The following ESRRB variants were observed in gnomAD, a reference collection of about 807,000 sequenced individuals.
ESRRB encodes steroid hormone receptor ERR2.
A neutral mutation model predicts 46.0 loss-of-function variants in ESRRB; 16 were observed. That is an observed-to-expected ratio of 0.35 (90% CI 0.24 to 0.53). ESRRB has a LOEUF of 0.53. Among genes scored for constraint, ESRRB ranks in the 20% least tolerant of loss-of-function variants. The probability of loss-of-function intolerance (pLI) is 0.93; values close to 1 mark genes in which losing one functional copy is unlikely to be tolerated. For synonymous variants in ESRRB, 246 were observed against 259.6 expected, an observed-to-expected ratio of 0.95 and a Z score of 0.50; for missense variants, 488 against 607.4, an observed-to-expected ratio of 0.80 and a Z score of 2.07.
chr14:76,495,511 C>A (rs889471278), intron 6 of ESRRB: 4 of 147,428 alleles, frequency 2.7e-5, no homozygotes, highest in Non-Finnish European at 5.9e-5. Flanking sequence ...CTCTTGCTAT[C>A]AAGTAGATGC....
chr14:76,428,774 A>G (rs1410351204), intron 1 of ESRRB, among the ~76,000 whole-genome samples: 1 of 152,186 alleles, frequency 6.6e-6, no homozygotes, highest in African/African-American at 2.4e-5. Context: ...CTGGAAAATC[A>G]TGGATAAAAA....
chr14:76,379,576 A>G (rs987204374), intron 1 of ESRRB, among the ~76,000 whole-genome samples: 2 of 152,222 alleles, frequency 1.3e-5, no homozygotes, highest in East Asian at 1.9e-4. Flanking sequence ...GCTCTAGGAA[A>G]TAAACCTTTA....
chr14:76,414,413 G>A (rs563900965), intron 1 of ESRRB, among the ~76,000 whole-genome samples: 2 of 151,254 alleles, frequency 1.3e-5, no homozygotes, highest in African/African-American at 4.9e-5. Context: ...TCGGTACTTA[G>A]AGCAGTGCCT....
chr14:76,333,446 TAAGTATA>T (rs1884086557), intron 1 of ESRRB, among the ~76,000 whole-genome samples: 10 of 86,392 alleles, frequency 1.2e-4, no homozygotes, highest in Non-Finnish European at 1.9e-4. Context: ...ATATGATATA[TAAGTATA>T]TCATATATAA....
At chr14:76,386,903 A>G (rs1245400125) in intron 1 of ESRRB, among the ~76,000 whole-genome samples, 1 of 152,184 alleles carries the variant, frequency 6.6e-6, no homozygotes, top group Non-Finnish European at 1.5e-5. Flanking sequence ...AGGGAGGAAC[A>G]GGGTAAGTCA....
At position 76,312,946 on chromosome 14, in the gene ESRRB, G is replaced by A. The variant is rs547102206; in HGVS notation, c.2+2030G>A. On this transcript the variant is annotated intron_variant, in intron 1 of 6. Coordinates refer to the ESRRB transcript ENST00000512784. ...CAACCTGCACACTGGAGCCTGCCTG[G>A]CCCACTGTGCAGGCCCAGTGTGTCA... Among the ~76,000 whole-genome samples, 10 of 152,250 alleles carry A rather than the reference G, an allele frequency of 6.6e-5. No homozygotes were observed. In the East Asian group the frequency reaches 1.9e-3, roughly 29 times the overall value.
intron 2 of ESRRB, among the ~76,000 whole-genome samples, chr14:76,446,782 C>T (rs1030887432): frequency 6.6e-6 from 1 of 152,162 alleles, no homozygotes; most frequent in African/African-American, 2.4e-5. Context: ...TATGTGTGCT[C>T]TCTTTGCATG....
chr14:76,358,328 AAAGAAAGAAAGAAAGAAAGAAAG>A (rs1566859614), intron 1 of ESRRB, among the ~76,000 whole-genome samples: 728 of 38,302 alleles, frequency 0.019, 105 homozygotes, highest in Middle Eastern at 0.023. Flanking sequence ...AAAAAAAAAG[AAAGAAAGAAAGAAAGAAAGAAAG>A]AAAGAAAGAA....
chr14:76,422,564 G>T (rs1462175368), intron 1 of ESRRB, among the ~76,000 whole-genome samples: 1 of 152,140 alleles, frequency 6.6e-6, no homozygotes, highest in Non-Finnish European at 1.5e-5. Context: ...AACTATGTGG[G>T]TAGGGACCAC....
At chr14:76,459,771 C>T (rs1413537289) in intron 2 of ESRRB, among the ~76,000 whole-genome samples, 1 of 152,202 alleles carries the variant, frequency 6.6e-6, no homozygotes, top group East Asian at 1.9e-4. Flanking sequence ...TAGGGGTACA[C>T]AGAATCTTCA....
intron 1 of ESRRB, among the ~76,000 whole-genome samples, chr14:76,349,748 G>A (rs1595051684): frequency 6.6e-6 from 1 of 152,246 alleles, no homozygotes; most frequent in East Asian, 1.9e-4. Context: ...TGGGTCCCCA[G>A]CACCTGGAAC....
chr14:76,359,682 G>A (rs564926928), intron 1 of ESRRB, among the ~76,000 whole-genome samples: 1 of 152,292 alleles, frequency 6.6e-6, no homozygotes, highest in East Asian at 1.9e-4. Flanking sequence ...GGCCCACAGG[G>A]AGGAGGCAGA....
At chr14:76,310,997 TC>T (rs1883725664) in intron 1 of ESRRB, 1 of 432,432 alleles carries the variant, frequency 2.3e-6, no homozygotes, top group Non-Finnish European at 4.6e-6. Context: ...TCTCTCTCTC[TC>T]TCTCTCTCTC....
chr14:76,388,464 C>T (rs966459896), intron 1 of ESRRB, among the ~76,000 whole-genome samples: 4 of 152,032 alleles, frequency 2.6e-5, no homozygotes, highest in Non-Finnish European at 5.9e-5. Context: ...GGATTACAGG[C>T]GTGAGCCACT....
intron 1 of ESRRB, among the ~76,000 whole-genome samples, chr14:76,400,623 C>T (rs898013031): frequency 5.3e-5 from 8 of 152,084 alleles, no homozygotes; most frequent in Admixed American, 1.3e-4. Context: ...TGGTGGTGAA[C>T]GGGAGTGGGA....
Position 76,314,679 on chromosome 14 carries a change from G to C in ESRRB, c.2+3763G>C, listed in dbSNP as rs577764559. 1.2e-4 allele frequency among the ~76,000 whole-genome samples: 19 copies of C among 152,256 alleles called. No homozygotes were observed. In the South Asian group the frequency reaches 3.7e-3, roughly 30 times the overall value. On this transcript the variant is annotated intron_variant, in intron 1 of 6. Transcript: ENST00000512784. ...AAGTCCGCCTGGCTCACTGTTCCCA[G>C]GTAAAGGCAGGTGAAGAACTCTCTG...
At chr14:76,374,406 G>C (rs1287890992), upstream of ESRRB, among the ~76,000 whole-genome samples, 1 of 152,180 alleles carries the variant, frequency 6.6e-6, no homozygotes, top group African/African-American at 2.4e-5. Flanking sequence ...TAAAGACTGG[G>C]GCCCAGAGGG....
rs139114474 is a variant in ESRRB at position 76,466,542 on chromosome 14, T to C, written c.577+3881T>C. On this transcript the variant is annotated intron_variant, in intron 3 of 6. Transcript: ENST00000644823. ...TCCCTGGAACATCCAGAGCAGACCA[T>C]GGAAAACAGGAGCTGTCCAAAGGCC... Among the ~76,000 whole-genome samples the C allele has an allele frequency of 1.6e-3, 248 of 152,096 alleles. 1 individual carries two copies. Among genetic ancestry groups the C allele is most frequent in the Admixed American group, 3.8e-3 (58 of 15,278 alleles).
intron 2 of ESRRB, among the ~76,000 whole-genome samples, chr14:76,452,285 A>G (rs950651367): frequency 6.6e-6 from 1 of 151,986 alleles, no homozygotes; most frequent in Non-Finnish European, 1.5e-5. Context: ...CCAAACCAAG[A>G]TCAGGGCAAA....
Sources: allele counts gnomAD v4.1 joint callset (sites outside exome capture counted in the v4.1 genomes callset), GRCh38; gene constraint gnomAD v4.1.1; transcripts MANE v1.5; gene names NCBI Gene and HGNC (gene_info 2026-07-23, HGNC 2026-07-21).